AKAP8L: variants seen among roughly 807,000 people sequenced by gnomAD.
AKAP8L encodes the protein A-kinase anchor protein 8-like.
Under a neutral mutation model 77.5 loss-of-function variants are expected in AKAP8L, and 34 were observed. The observed-to-expected ratio is 0.44, with a 90% CI of 0.33 to 0.58. The LOEUF (loss-of-function observed/expected upper bound fraction) is 0.58. Ranked by LOEUF, AKAP8L falls within the 20% of genes least tolerant of loss-of-function variation. AKAP8L has a pLI of 0.02. For missense variants in AKAP8L, 806 were observed against 887.6 expected, an observed-to-expected ratio of 0.91 and a Z score of 1.17; for synonymous variants, 342 against 340.7, an observed-to-expected ratio of 1.00 and a Z score of -0.04.
chr19:15,416,342 A>G (rs1190696151), intron 1 of AKAP8L, among the ~76,000 whole-genome samples: 4 of 152,206 alleles, frequency 2.6e-5, no homozygotes, highest in Non-Finnish European at 5.9e-5. Flanking sequence ...AGATTTATGA[A>G]AATGACTGAG....
At chr19:15,389,065 AT>A (rs780031330) in intron 12 of AKAP8L, among the ~76,000 whole-genome samples, 6 of 146,958 alleles carry the variant, frequency 4.1e-5, no homozygotes, top group African/African-American at 1.5e-4. Context: ...AAAAAAAAAA[AT>A]ACAAAAAATT....
intron 1 of AKAP8L, among the ~76,000 whole-genome samples, chr19:15,411,290 C>T (rs1383480306): frequency 5.3e-5 from 8 of 152,164 alleles, no homozygotes; most frequent in Admixed American, 5.2e-4. Flanking sequence ...TACCCCCCTC[C>T]CTGTTCTAAA....
chr19:15,401,710 T>A lies in AKAP8L; in HGVS notation c.363-107A>T. The A allele has an allele frequency of 1.1e-6, 1 of 873,436 alleles. No homozygotes were observed. Among genetic ancestry groups the A allele is most frequent in the Non-Finnish European group, 1.7e-6 (1 of 585,096 alleles). The allele number at this position is 873,436 out of a possible 1,614,324, so 54.1% of individuals were successfully genotyped here. A position where few individuals can be genotyped will look rare whatever the true frequency, so the allele number is the denominator to read the frequency against. On this transcript the variant is annotated intron_variant, in intron 4 of 13. Transcript: ENST00000397410. This position sits in a 1 kb window ranked among gnomAD's most constrained non-coding sequence, Gnocchi z 6.2. The stretch of plus-strand genomic sequence containing the variant: ...TCCCAGTCCAGCACCCACCCTGCCC[T>A]GGTTGGGAGGCTCAATGTTCAGAAA...
chr19:15,389,433 AT>A (rs1366348027), intron 12 of AKAP8L, among the ~76,000 whole-genome samples: 3 of 152,064 alleles, frequency 2.0e-5, no homozygotes, highest in African/African-American at 7.2e-5. Context: ...TGAAGAAACA[AT>A]GGCTGAAAGC....
intron 12 of AKAP8L, among the ~76,000 whole-genome samples, chr19:15,390,517 A>G (rs1367611202): frequency 1.3e-5 from 2 of 152,280 alleles, no homozygotes; most frequent in African/African-American, 4.8e-5. Context: ...ACTAGTATAT[A>G]CTAGTTCTTC....
At chr19:15,410,477 G>C in intron 2 of AKAP8L, 43 bp downstream of exon 2, 2 of 1,510,220 alleles carry the variant, frequency 1.3e-6, no homozygotes, top group Non-Finnish European at 1.8e-6. Context: ...ACAAGGAACT[G>C]CTCTGCAGAA....
rs1967799480 is a variant in AKAP8L, at chr19:15,397,456, C to T, written c.1405+64G>A. ...GGAACAGAAGGGTGTCCTGACCCTGCACCGAAAATCAGGAGTGCAGGCTGA... is the reference window on the plus strand; with the variant it reads ...GGAACAGAAGGGTGTCCTGACCCTGTACCGAAAATCAGGAGTGCAGGCTGA... On this transcript the variant is annotated intron_variant, in intron 11 of 13. Transcript: ENST00000397410. The surrounding 1 kb of genome is among the most constrained non-coding windows in gnomAD (Gnocchi z 4.7). The T allele has an allele frequency of 3.3e-6, 5 of 1,526,328 alleles. No homozygotes were observed. The highest frequency in any genetic ancestry group is 4.5e-5 in the East Asian group (2 of 44,058). The allele number at this position is 1,526,328 out of a possible 1,614,324, so 94.5% of individuals were successfully genotyped here.
intron 1 of AKAP8L, among the ~76,000 whole-genome samples, chr19:15,418,272 T>G (rs1356550635): frequency 2.0e-5 from 3 of 152,234 alleles, no homozygotes; most frequent in Non-Finnish European, 4.4e-5. Flanking sequence ...ACCCAGTCTG[T>G]ACCGGACACG....
At chr19:15,380,723 T>G in intron 12 of AKAP8L, 111 bp from the exon 13 acceptor site, 1 of 908,624 alleles carries the variant, frequency 1.1e-6, no homozygotes, top group Non-Finnish European at 1.7e-6. Flanking sequence ...CCCACGCACT[T>G]CCAGCCCCAC....
intron 2 of AKAP8L, among the ~76,000 whole-genome samples, chr19:15,408,440 G>A (rs1968042451): frequency 1.3e-5 from 2 of 152,150 alleles, no homozygotes; most frequent in South Asian, 4.1e-4. Flanking sequence ...GCACATGCCT[G>A]TAATACCAGC....
At chr19:15,381,463 T>G (rs959837625) in intron 12 of AKAP8L, among the ~76,000 whole-genome samples, 3 of 152,068 alleles carry the variant, frequency 2.0e-5, no homozygotes, top group Non-Finnish European at 2.9e-5. Context: ...CATCTCATGG[T>G]GGGAGTACAG....
chr19:15,391,231 C>T (rs752346185), intron 12 of AKAP8L, among the ~76,000 whole-genome samples: 5 of 151,812 alleles, frequency 3.3e-5, no homozygotes, highest in Non-Finnish European at 7.4e-5. Flanking sequence ...GAGGCCGAGG[C>T]GGGTGGATCA....
chr19:15,384,751 C>A (rs992931889), intron 12 of AKAP8L, among the ~76,000 whole-genome samples: 30 of 152,198 alleles, frequency 2.0e-4, no homozygotes, highest in African/African-American at 7.2e-4. Context: ...GAATCCCATC[C>A]CCTTACCAAA....
At chr19:15,393,322 A>C (rs941678069) in intron 12 of AKAP8L, among the ~76,000 whole-genome samples, 4 of 152,196 alleles carry the variant, frequency 2.6e-5, no homozygotes, top group African/African-American at 9.7e-5. Context: ...ATAAGCAATA[A>C]AAGAAAATTG....
At chr19:15,414,339 G>A (rs1451945776) in intron 1 of AKAP8L, among the ~76,000 whole-genome samples, 1 of 152,124 alleles carries the variant, frequency 6.6e-6, no homozygotes, top group Non-Finnish European at 1.5e-5. Context: ...TTACAGGCGT[G>A]AGCCACCACG....
In AKAP8L at chr19:15,404,020, C is replaced by T; in HGVS notation, c.111G>A (p.Gly37=). The T allele has an allele frequency of 6.2e-7, 1 of 1,613,876 alleles. No homozygotes were observed. Among genetic ancestry groups the T allele is most frequent in the South Asian group, 1.1e-5 (1 of 91,080 alleles). The change falls in exon 3 of 14, where the codon GGG becomes GGA. Residue 37 remains glycine (G), a synonymous_variant. Coordinates refer to ENST00000397410, the MANE Select transcript of AKAP8L (RefSeq NM_014371.4). ...AGGAATGACACTTGCCTCTATTTGTCCCAGAGTTCCAAGTTCCATATCCTA... is the reference window on the plus strand; with the variant it reads ...AGGAATGACACTTGCCTCTATTTGTTCCAGAGTTCCAAGTTCCATATCCTA... ...CDYGYGTWNS[G]TNRGYEGYGY...
At chr19:15,389,235 G>GAAAAAAAA (rs1285680371) in intron 12 of AKAP8L, among the ~76,000 whole-genome samples, 2 of 83,862 alleles carry the variant, frequency 2.4e-5, no homozygotes, top group Non-Finnish European at 2.5e-5. Context: ...AAAAAAAAAA[G>GAAAAAAAA]AAAAAAAAAA....
At chr19:15,404,131 C>T (rs1967953718) in intron 2 of AKAP8L, 89 bp from the exon 3 acceptor site, 9 of 1,394,742 alleles carry the variant, frequency 6.5e-6, no homozygotes, top group African/African-American at 1.4e-5. Flanking sequence ...CAGGACCTGA[C>T]TGGTCAGAGC....
chr19:15,391,911 C>T (rs936883039), intron 12 of AKAP8L, among the ~76,000 whole-genome samples: 1 of 152,170 alleles, frequency 6.6e-6, no homozygotes, highest in African/African-American at 2.4e-5. Flanking sequence ...TCATAGCTCA[C>T]TGCAACCTCA....
Sources: allele counts gnomAD v4.1 joint callset (sites outside exome capture counted in the v4.1 genomes callset), GRCh38; gene constraint gnomAD v4.1.1; non-coding constraint Gnocchi (gnomAD v3.1); transcripts MANE v1.5; gene names NCBI Gene and HGNC (gene_info 2026-07-23, HGNC 2026-07-21).